YPEL1: variants seen among roughly 807,000 people sequenced by gnomAD.
YPEL1 encodes the protein protein yippee-like 1.
A neutral mutation model predicts 17.3 loss-of-function variants in YPEL1; 7 were observed. That is an observed-to-expected ratio of 0.40 (90% CI 0.23 to 0.76). The LOEUF is 0.76. YPEL1 is among the 30% of genes least tolerant of loss of function. The pLI, the probability that YPEL1 is intolerant of heterozygous loss-of-function variation, is 0.35. For synonymous variants in YPEL1, 59 were observed against 59.6 expected, an observed-to-expected ratio of 0.99 and a Z score of 0.05; for missense variants, 91 against 155.5, an observed-to-expected ratio of 0.59 and a Z score of 2.21.
At chr22:21,727,488 G>C (rs2068346390) in intron 1 of YPEL1, among the ~76,000 whole-genome samples, 1 of 152,220 alleles carries the variant, frequency 6.6e-6, no homozygotes, top group Non-Finnish European at 1.5e-5. Flanking sequence ...TTGGAGGGCA[G>C]CTGCCATCCA....
At chr22:21,713,139 T>C (rs1014437177) in intron 1 of YPEL1, among the ~76,000 whole-genome samples, 3 of 152,124 alleles carry the variant, frequency 2.0e-5, no homozygotes, top group Non-Finnish European at 2.9e-5. Context: ...TGTGGAGGAA[T>C]TGGAGCCTTG....
At chr22:21,731,489 T>C (rs1601645372) in intron 1 of YPEL1, among the ~76,000 whole-genome samples, 1 of 112,316 alleles carries the variant, frequency 8.9e-6, no homozygotes, top group Non-Finnish European at 1.8e-5. Flanking sequence ...TCATGCTAAA[T>C]AAAGTCTCAT....
intron 1 of YPEL1, among the ~76,000 whole-genome samples, 177 bp from the exon 2 acceptor site, chr22:21,711,085 G>A (rs537100979): frequency 6.6e-6 from 1 of 151,192 alleles, no homozygotes; most frequent in African/African-American, 2.4e-5. Context: ...GTGCAGTGGC[G>A]CAATCTCAGC....
chr22:21,710,470 A>G lies in YPEL1; in HGVS notation c.117+158T>C, dbSNP rs1176236590. On this transcript the variant is annotated intron_variant, in intron 2 of 4. Transcript: ENST00000339468. The stretch of plus-strand genomic sequence containing the variant: ...GATCGTGGCACAGCCACACTTAACC[A>G]TGCACAAAACGCTCACCAATGCTGC... The G allele has an allele frequency of 1.0e-5, 7 of 703,266 alleles. No homozygotes were observed. In the Admixed American group the frequency reaches 1.1e-4, roughly 11 times the overall value. The allele number at this position is 703,266 out of a possible 1,614,324, so 43.6% of individuals were successfully genotyped here.
At chr22:21,717,825 C>T (rs528274790) in intron 1 of YPEL1, among the ~76,000 whole-genome samples, 1 of 152,146 alleles carries the variant, frequency 6.6e-6, no homozygotes, top group Non-Finnish European at 1.5e-5. Flanking sequence ...GTGAAAATAT[C>T]TTTCAAGAAG....
chr22:21,703,770 C>T lies in YPEL1; in HGVS notation c.161+69G>A, dbSNP rs2068089099. On this transcript the variant is annotated intron_variant, in intron 3 of 4. Transcript: ENST00000339468. The surrounding 1 kb of genome is among the most constrained non-coding windows in gnomAD (Gnocchi z 6.1). The stretch of plus-strand genomic sequence containing the variant: ...GACCCAGGTGATTCTACACAGGGCA[C>T]TGTGTAGGTGCCATCCAGGCCGTCC... 1 of 1,539,994 alleles carries T rather than the reference C, an allele frequency of 6.5e-7. No homozygotes were observed. Among genetic ancestry groups the T allele is most frequent in the Non-Finnish European group, 8.9e-7 (1 of 1,129,426 alleles).
chr22:21,716,679 A>C (rs2068227079), intron 1 of YPEL1, among the ~76,000 whole-genome samples: 1 of 152,280 alleles, frequency 6.6e-6, no homozygotes, highest in Non-Finnish European at 1.5e-5. Flanking sequence ...GTTTGGAGGA[A>C]GCATCTTTAT....
Position 21,697,800 on chromosome 22 carries a change from T to G in YPEL1, c.*3329A>C, listed in dbSNP as rs2067997075. On this transcript the variant is annotated 3_prime_UTR_variant, in exon 5 of 5. Transcript: ENST00000339468. ...TGGCAAATGAAGGTTTACATTTCTG[T>G]AGTTTGTTTGTTTTAGAGCTTAATT... The G allele has an allele frequency of 6.6e-6, 1 of 152,380 alleles. No individual in the cohort carries two copies. Among genetic ancestry groups the G allele is most frequent in the Non-Finnish European group, 1.5e-5 (1 of 68,042 alleles). The allele number at this position is 152,380 out of a possible 1,614,324, so 9.4% of individuals were successfully genotyped here.
chr22:21,721,129 G>A (rs909274472), intron 1 of YPEL1, among the ~76,000 whole-genome samples: 4 of 149,712 alleles, frequency 2.7e-5, no homozygotes, highest in African/African-American at 7.4e-5. Flanking sequence ...GGGTTTTTTG[G>A]GGGGGGGAGG....
At chr22:21,712,023 A>C (rs1257264996) in intron 1 of YPEL1, among the ~76,000 whole-genome samples, 1 of 151,892 alleles carries the variant, frequency 6.6e-6, no homozygotes, top group Non-Finnish European at 1.5e-5. Flanking sequence ...AAAATACACA[A>C]AATTAGCTGG....
In YPEL1 at chr22:21,717,850, G is replaced by T. The variant is rs138500405; in HGVS notation, c.-164-6942C>A. Reference sequence around the variant, plus strand: ...CTTTCAAGAAGTGGGGCAAAGGCTGGACATAGTGGCTCACACTTGTCATCC... The same window carrying T: ...CTTTCAAGAAGTGGGGCAAAGGCTGTACATAGTGGCTCACACTTGTCATCC... On this transcript the variant is annotated intron_variant, in intron 1 of 4. Transcript: ENST00000339468. 1.1e-3 allele frequency among the ~76,000 whole-genome samples: 173 copies of T among 152,264 alleles called. 2 individuals carry two copies. The highest frequency in any genetic ancestry group is 3.9e-3 in the African/African-American group (164 of 41,548).
At chr22:21,733,570 A>G (rs1165756359) in intron 1 of YPEL1, among the ~76,000 whole-genome samples, 1 of 151,854 alleles carries the variant, frequency 6.6e-6, no homozygotes, top group African/African-American at 2.4e-5. Context: ...CTACAGAAAA[A>G]TCAAAAAATT....
At chr22:21,731,828 G>A (rs1477449186) in intron 1 of YPEL1, among the ~76,000 whole-genome samples, 6 of 152,196 alleles carry the variant, frequency 3.9e-5, no homozygotes, top group African/African-American at 1.2e-4. Flanking sequence ...GTGGGGTAAC[G>A]TGCAATTTAC....
At chr22:21,734,377 G>A (rs901029853) in intron 1 of YPEL1, among the ~76,000 whole-genome samples, 1 of 152,222 alleles carries the variant, frequency 6.6e-6, no homozygotes, top group African/African-American at 2.4e-5. Context: ...AGGGAGCACT[G>A]GGTGTAGGAT....
intron 1 of YPEL1, among the ~76,000 whole-genome samples, chr22:21,714,595 G>GCT (rs2068203357): frequency 6.6e-6 from 1 of 152,156 alleles, no homozygotes; most frequent in South Asian, 2.1e-4. Flanking sequence ...ACTAAATGGT[G>GCT]CTGCTGTCGC....
chr22:21,703,693 C>T lies in YPEL1; in HGVS notation c.161+146G>A, dbSNP rs761410705. Reference sequence around the variant, plus strand: ...AGGCTAGGGGGCAAGATCCTTAGCGCGTTTCAGAAACTCCCGGCGGGGGGA... The same window carrying T: ...AGGCTAGGGGGCAAGATCCTTAGCGTGTTTCAGAAACTCCCGGCGGGGGGA... On this transcript the variant is annotated intron_variant, in intron 3 of 4. Coordinates refer to ENST00000339468, the MANE Select transcript of YPEL1 (RefSeq NM_013313.5). The surrounding 1 kb of genome is among the most constrained non-coding windows in gnomAD (Gnocchi z 6.1). 6.8e-6 allele frequency: 6 copies of T among 878,760 alleles called. No homozygotes were observed. Among genetic ancestry groups the T allele is most frequent in the Non-Finnish European group, 1.0e-5 (6 of 581,778 alleles). 54.4% of individuals were successfully genotyped at this position (878,760 alleles called of 1,614,324 possible). A position where few individuals can be genotyped will look rare whatever the true frequency, so the allele number is the denominator to read the frequency against.
chr22:21,709,478 A>C (rs2068144644), intron 2 of YPEL1, among the ~76,000 whole-genome samples: 1 of 152,156 alleles, frequency 6.6e-6, no homozygotes, highest in Admixed American at 6.5e-5. Context: ...TTAAACAGGA[A>C]ACCTAAGAGA....
chr22:21,725,801 C>T (rs906866104), intron 1 of YPEL1, among the ~76,000 whole-genome samples: 4 of 149,560 alleles, frequency 2.7e-5, no homozygotes, highest in Non-Finnish European at 4.4e-5. Context: ...GAGACCAGCC[C>T]AGGCAAGATA....
intron 1 of YPEL1, among the ~76,000 whole-genome samples, chr22:21,724,724 G>A (rs1274199813): frequency 2.7e-5 from 4 of 150,750 alleles, no homozygotes; most frequent in Non-Finnish European, 3.0e-5. Flanking sequence ...GGGATGACAG[G>A]TGTGCGCCAC....
Sources: gnomAD v4.1 joint callset for allele counts (sites outside exome capture counted in the v4.1 genomes callset) on GRCh38, gnomAD v4.1.1 for gene constraint, Gnocchi (gnomAD v3.1) non-coding constraint, MANE v1.5 for transcripts, NCBI Gene and HGNC (gene_info 2026-07-23, HGNC 2026-07-21) for gene names.